The following ZRANB3 variants were observed in gnomAD, a reference collection of about 807,000 sequenced individuals.
ZRANB3 encodes the protein zinc finger RANBP2-type containing 3.
In ZRANB3, 125 loss-of-function variants were observed where a neutral mutation model predicts 133.8. That is an observed-to-expected ratio of 0.93 (90% CI 0.81 to 1.08). The LOEUF (loss-of-function observed/expected upper bound fraction) is 1.08, where lower values mean the gene tolerates loss of function less well. Among genes scored for constraint, ZRANB3 ranks in the 50% least tolerant of loss-of-function variants. The pLI, the probability that ZRANB3 is intolerant of heterozygous loss-of-function variation, is 0.00. For synonymous variants in ZRANB3, 387 were observed against 432.7 expected, an observed-to-expected ratio of 0.89 and a Z score of 1.31; for missense variants, 1,229 against 1,275.5, an observed-to-expected ratio of 0.96 and a Z score of 0.56.
At chr2:135,485,658 T>A (rs1178070658) in intron 2 of ZRANB3, among the ~76,000 whole-genome samples, 2 of 152,160 alleles carry the variant, frequency 1.3e-5, no homozygotes, top group Non-Finnish European at 1.5e-5. Flanking sequence ...CGGGTTCCGT[T>A]CCAGATCACG....
At chr2:135,390,908 T>C (rs1412258351) in intron 2 of ZRANB3, 88 bp from the exon 3 acceptor site, 1 of 1,332,524 alleles carries the variant, frequency 7.5e-7, no homozygotes, top group Non-Finnish European at 9.9e-7. Flanking sequence ...GTCACCAGGC[T>C]GGAGTGCAGT....
chr2:135,333,763 GA>G (rs1684256952), intron 6 of ZRANB3, among the ~76,000 whole-genome samples: 1 of 152,136 alleles, frequency 6.6e-6, no homozygotes, highest in South Asian at 2.1e-4. Context: ...AGAATGTATT[GA>G]AAGTCACTGA....
At chr2:135,300,554 A>C (rs1399347050) in intron 8 of ZRANB3, among the ~76,000 whole-genome samples, 1 of 152,204 alleles carries the variant, frequency 6.6e-6, no homozygotes, top group Non-Finnish European at 1.5e-5. Context: ...GGGTCTGGGC[A>C]CAAAATATAT....
chr2:135,432,736 C>T (rs561321072), intron 2 of ZRANB3, among the ~76,000 whole-genome samples: 17 of 152,240 alleles, frequency 1.1e-4, no homozygotes, highest in African/African-American at 3.6e-4. Context: ...GTAGGACAGT[C>T]TTATCTAAAA....
At chr2:135,460,530 G>T (rs891833824) in intron 2 of ZRANB3, among the ~76,000 whole-genome samples, 1 of 152,102 alleles carries the variant, frequency 6.6e-6, no homozygotes, top group African/African-American at 2.4e-5. Context: ...GCCTCCTAAA[G>T]TGCTGGGATT....
chr2:135,460,756 T>C (rs891756569), intron 2 of ZRANB3, among the ~76,000 whole-genome samples: 1 of 152,204 alleles, frequency 6.6e-6, no homozygotes, highest in Non-Finnish European at 1.5e-5. Context: ...TTTAACAAAT[T>C]ATGCTTCTTG....
At chr2:135,504,849 G>C (rs1290405655) in intron 1 of ZRANB3, among the ~76,000 whole-genome samples, 5 of 151,994 alleles carry the variant, frequency 3.3e-5, no homozygotes, top group African/African-American at 9.7e-5. Context: ...GAATCTGCTA[G>C]AGAAAGATGA....
At chr2:135,385,153 C>G (rs1027499111) in intron 3 of ZRANB3, among the ~76,000 whole-genome samples, 1 of 152,146 alleles carries the variant, frequency 6.6e-6, no homozygotes, top group African/African-American at 2.4e-5. Flanking sequence ...TCTCAGAATA[C>G]AAAATCAATG....
At chr2:135,479,652 C>A (rs1246377037) in intron 2 of ZRANB3, among the ~76,000 whole-genome samples, 2 of 151,466 alleles carry the variant, frequency 1.3e-5, no homozygotes, top group Non-Finnish European at 2.9e-5. Flanking sequence ...GGTGACAGAG[C>A]GAGACTATCT....
chr2:135,378,634 A>G (rs561616321), intron 3 of ZRANB3, among the ~76,000 whole-genome samples: 18 of 152,334 alleles, frequency 1.2e-4, no homozygotes, highest in African/African-American at 4.1e-4. Context: ...CCTGGCAAAC[A>G]CTACCTTAAG....
intron 12 of ZRANB3, among the ~76,000 whole-genome samples, chr2:135,247,833 T>C (rs34025957): frequency 0.062 from 9,365 of 152,204 alleles, 573 homozygotes; most frequent in African/African-American, 0.16. Flanking sequence ...TCTTCCAGCT[T>C]TGGAGAGTCC....
intron 12 of ZRANB3, among the ~76,000 whole-genome samples, chr2:135,233,317 T>C (rs1049819065): frequency 2.0e-5 from 3 of 152,124 alleles, no homozygotes; most frequent in Non-Finnish European, 2.9e-5. Flanking sequence ...CTACATCTGA[T>C]TGGTGTACCT....
intron 3 of ZRANB3, among the ~76,000 whole-genome samples, chr2:135,374,322 C>T (rs566833588): frequency 7.7e-4 from 117 of 152,064 alleles, no homozygotes; most frequent in African/African-American, 2.0e-3. Context: ...AGGAGAACTG[C>T]TTGAACCCAG....
At chr2:135,343,295 T>C (rs1259654677) in intron 6 of ZRANB3, among the ~76,000 whole-genome samples, 1 of 149,826 alleles carries the variant, frequency 6.7e-6, no homozygotes, top group Non-Finnish European at 1.5e-5. Flanking sequence ...ATATGGTGAA[T>C]TATATTTATG....
chr2:135,347,948 A>G (rs1490159832), intron 5 of ZRANB3, among the ~76,000 whole-genome samples: 3 of 152,122 alleles, frequency 2.0e-5, no homozygotes, highest in Admixed American at 1.3e-4. Context: ...AATAGAAGGA[A>G]GGTCACAATA....
chr2:135,213,042 ACAT>A (rs1694165263), intron 17 of ZRANB3, among the ~76,000 whole-genome samples: 1 of 152,226 alleles, frequency 6.6e-6, no homozygotes, highest in Admixed American at 6.5e-5. Context: ...AAACTGTTGG[ACAT>A]CACTGGCGGA....
intron 14 of ZRANB3, among the ~76,000 whole-genome samples, chr2:135,225,649 CTA>C (rs1694730243): frequency 6.6e-6 from 1 of 152,104 alleles, no homozygotes; most frequent in African/African-American, 2.4e-5. Context: ...ATTGTTGCTA[CTA>C]TATGTATTTA....
chr2:135,238,121 C>CCTATCT (rs1695384120), intron 12 of ZRANB3, among the ~76,000 whole-genome samples: 1 of 152,120 alleles, frequency 6.6e-6, no homozygotes, highest in Non-Finnish European at 1.5e-5. Flanking sequence ...AAGTAGGATA[C>CCTATCT]CTATCTCCAT....
chr2:135,397,282 A>G (rs986568420), intron 2 of ZRANB3, among the ~76,000 whole-genome samples: 1 of 151,874 alleles, frequency 6.6e-6, no homozygotes, highest in African/African-American at 2.4e-5. Context: ...CTCTCCACTA[A>G]AACTAAAAAT....
Sources: allele counts gnomAD v4.1 joint callset (sites outside exome capture counted in the v4.1 genomes callset), GRCh38; gene constraint gnomAD v4.1.1; transcripts MANE v1.5; gene names NCBI Gene and HGNC (gene_info 2026-07-23, HGNC 2026-07-21).